NPAS3: variants seen among roughly 807,000 people sequenced by gnomAD.
NPAS3 encodes the protein neuronal PAS domain-containing protein 3.
NPAS3 carries 14 observed loss-of-function variants against 73.1 expected under a neutral mutation model. The observed-to-expected ratio is 0.19, with a 90% confidence interval of 0.13 to 0.30. The LOEUF is 0.30. Ranked by LOEUF, NPAS3 falls within the 10% of genes least tolerant of loss-of-function variation. NPAS3 has a pLI of 1.00. For synonymous variants in NPAS3, 620 were observed against 541.5 expected (o/e 1.14, Z -2.01); for missense variants, 1,096 against 1,250.0 (o/e 0.88, Z 1.86).
chr14:33,378,137 G>A (rs960344135), intron 4 of NPAS3, among the ~76,000 whole-genome samples: 20 of 152,238 alleles, frequency 1.3e-4, no homozygotes, highest in African/African-American at 4.3e-4. Flanking sequence ...GGAGATAGTA[G>A]CAAGTCTTAC....
At chr14:33,135,582 C>T (rs1318555544) in intron 2 of NPAS3, among the ~76,000 whole-genome samples, 1 of 151,958 alleles carries the variant, frequency 6.6e-6, no homozygotes, top group South Asian at 2.1e-4. Flanking sequence ...AGCTGAGCAG[C>T]TTTTTGCAAT....
chr14:33,661,594 C>G (rs1381617976), intron 5 of NPAS3, among the ~76,000 whole-genome samples: 1 of 152,036 alleles, frequency 6.6e-6, no homozygotes, highest in East Asian at 1.9e-4. Context: ...TCTGAATTGC[C>G]CAGAATAGGA....
intron 5 of NPAS3, among the ~76,000 whole-genome samples, chr14:33,600,524 T>C (rs2057369981): frequency 6.6e-6 from 1 of 152,144 alleles, no homozygotes; most frequent in Admixed American, 6.5e-5. Flanking sequence ...ATAAATAGTA[T>C]TATGAATTGT....
chr14:33,719,773 AC>A (rs953116438), intron 6 of NPAS3, among the ~76,000 whole-genome samples: 2 of 152,138 alleles, frequency 1.3e-5, no homozygotes, highest in Admixed American at 6.5e-5. Flanking sequence ...AGGGAAGTGA[AC>A]CGTCATATGG....
chr14:33,149,061 A>T (rs942037534), intron 2 of NPAS3, among the ~76,000 whole-genome samples: 2 of 152,208 alleles, frequency 1.3e-5, no homozygotes, highest in African/African-American at 4.8e-5. Flanking sequence ...TCACTTTGTG[A>T]GTACTGATGT....
intron 4 of NPAS3, among the ~76,000 whole-genome samples, chr14:33,475,034 A>T (rs753706556): frequency 6.6e-5 from 10 of 152,078 alleles, no homozygotes; most frequent in Non-Finnish European, 8.8e-5. Context: ...ATGAACACAG[A>T]TTTGATTGAT....
intron 3 of NPAS3, among the ~76,000 whole-genome samples, chr14:33,220,145 C>T (rs1355316566): frequency 6.6e-6 from 1 of 152,172 alleles, no homozygotes; most frequent in East Asian, 1.9e-4. Flanking sequence ...TGAGCAGGAG[C>T]CTCCTACAGG....
intron 2 of NPAS3, among the ~76,000 whole-genome samples, chr14:33,195,598 C>T (rs2139538012): frequency 6.6e-6 from 1 of 152,308 alleles, no homozygotes; most frequent in Non-Finnish European, 1.5e-5. Flanking sequence ...ATGTTTAAAA[C>T]AGAGCTGTAA....
intron 2 of NPAS3, among the ~76,000 whole-genome samples, chr14:33,167,849 A>T (rs948464893): frequency 5.3e-5 from 8 of 152,210 alleles, no homozygotes; most frequent in African/African-American, 1.9e-4. Context: ...CAGCATACCC[A>T]TGTAAGGAAT....
chr14:33,676,902 T>C (rs768672947), intron 6 of NPAS3, among the ~76,000 whole-genome samples: 1 of 152,194 alleles, frequency 6.6e-6, no homozygotes, highest in Non-Finnish European at 1.5e-5. Context: ...CATTTTAAAC[T>C]GCCTTTCTAC....
chr14:33,459,716 A>T (rs1453604039), intron 4 of NPAS3, among the ~76,000 whole-genome samples: 2 of 152,236 alleles, frequency 1.3e-5, no homozygotes, highest in Non-Finnish European at 2.9e-5. Context: ...TTATAGCAGC[A>T]TATCGTATTT....
rs56242001 is a variant in NPAS3 at position 33,301,322 on chromosome 14, AT to A, written c.386-65852del. On this transcript the variant is annotated intron_variant, in intron 3 of 11. Coordinates refer to ENST00000356141, the Ensembl canonical transcript of NPAS3. Reference sequence around the variant, plus strand: ...GTTTTATCATTATATATATATATATATTTTTTTTTTTTAAATCTAGCTGTAA... The same window carrying A: ...GTTTTATCATTATATATATATATATATTTTTTTTTTTAAATCTAGCTGTAA... 2.4e-3 allele frequency among the ~76,000 whole-genome samples: 235 copies of A among 99,690 alleles called. 29 individuals are homozygous for A. Among genetic ancestry groups the A allele is most frequent in the Middle Eastern group, 9.1e-3 (2 of 220 alleles). 65.4% of individuals were successfully genotyped at this position (99,690 alleles called of 152,430 possible).
At chr14:33,078,276 G>T (rs2041739910) in intron 2 of NPAS3, among the ~76,000 whole-genome samples, 1 of 152,194 alleles carries the variant, frequency 6.6e-6, no homozygotes, top group Non-Finnish European at 1.5e-5. Flanking sequence ...CCCAATGATA[G>T]AGTTAATTGA....
rs558582167 is a variant in NPAS3 at position 33,052,389 on chromosome 14, GTGCATTATAATGGGGT to G, written c.51-3512_51-3497del. Among the ~76,000 whole-genome samples the G allele has an allele frequency of 3.3e-5, 5 of 152,236 alleles. No individual in the cohort carries two copies. In the South Asian group the frequency reaches 1.0e-3, roughly 32 times the overall value. Reference sequence around the variant, plus strand: ...TCTGACCAATCAGGAACAGAGCTATGTGCATTATAATGGGGTTGCTGGGGGATATGAGAGAAACTGC... The same window carrying G: ...TCTGACCAATCAGGAACAGAGCTATGTGCTGGGGGATATGAGAGAAACTGC... On this transcript the variant is annotated intron_variant, in intron 1 of 11. Transcript: ENST00000356141.
intron 6 of NPAS3, among the ~76,000 whole-genome samples, chr14:33,687,049 C>T (rs2060109037): frequency 6.6e-6 from 1 of 152,088 alleles, no homozygotes; most frequent in Non-Finnish European, 1.5e-5. Flanking sequence ...TTTGGGAGGC[C>T]TTGCAAAGGA....
chr14:33,622,840 C>G (rs893098255), intron 5 of NPAS3, among the ~76,000 whole-genome samples: 6 of 151,926 alleles, frequency 3.9e-5, no homozygotes, highest in African/African-American at 1.5e-4. Context: ...GATTTTTTTT[C>G]CCAATCAGTC....
At chr14:33,033,429 G>A (rs1046247513) in intron 1 of NPAS3, among the ~76,000 whole-genome samples, 19 of 151,714 alleles carry the variant, frequency 1.3e-4, no homozygotes, top group African/African-American at 3.6e-4. Flanking sequence ...CAGTGAGCCG[G>A]GATTGCGCCA....
At chr14:33,668,195 A>ATTG (rs1173625760) in intron 5 of NPAS3, among the ~76,000 whole-genome samples, 1 of 152,100 alleles carries the variant, frequency 6.6e-6, no homozygotes, top group African/African-American at 2.4e-5. Flanking sequence ...TGGTTTTGCT[A>ATTG]TTGTTTTTTC....
intron 3 of NPAS3, among the ~76,000 whole-genome samples, chr14:33,281,491 G>A (rs1196706197): frequency 6.6e-6 from 1 of 152,068 alleles, no homozygotes; most frequent in African/African-American, 2.4e-5. Context: ...AATTAGCCGG[G>A]CGTGGTGGTG....
Sources: allele counts gnomAD v4.1 joint callset (sites outside exome capture counted in the v4.1 genomes callset), GRCh38; gene constraint gnomAD v4.1.1; transcripts MANE v1.5; gene names NCBI Gene and HGNC (gene_info 2026-07-23, HGNC 2026-07-21).